The following CDH18 variants were observed in gnomAD, a reference collection of about 807,000 sequenced individuals.
CDH18 encodes cadherin 18.
Under a neutral mutation model 67.9 loss-of-function variants are expected in CDH18, and 31 were observed. The observed-to-expected ratio is 0.46, with a 90% CI of 0.34 to 0.62. The LOEUF (loss-of-function observed/expected upper bound fraction) is 0.62, where lower values mean the gene tolerates loss of function less well. Ranked by LOEUF, CDH18 falls within the 20% of genes least tolerant of loss-of-function variation. The pLI, the probability that CDH18 is intolerant of heterozygous loss-of-function variation, is 0.01. For synonymous variants in CDH18, 362 were observed against 347.2 expected (o/e 1.04, Z -0.48); for missense variants, 890 against 975.5 (o/e 0.91, Z 1.17).
chr5:20,489,276 C>T (rs999635928), intron 1 of CDH18, among the ~76,000 whole-genome samples: 6 of 152,034 alleles, frequency 3.9e-5, no homozygotes, highest in African/African-American at 1.4e-4. Flanking sequence ...AGCATATCCA[C>T]TCTGGATGGC....
chr5:19,838,709 C>G (rs1402738366), intron 3 of CDH18, 50 bp downstream of exon 3: 2 of 1,266,294 alleles, frequency 1.6e-6, no homozygotes, highest in South Asian at 1.2e-5. Context: ...GCTCATCTTA[C>G]CCCACAATTT....
At chr5:20,067,032 A>T (rs1163664659) in intron 2 of CDH18, among the ~76,000 whole-genome samples, 2 of 152,014 alleles carry the variant, frequency 1.3e-5, no homozygotes, top group African/African-American at 2.4e-5. Context: ...ACAGTAAAAA[A>T]TAATACAAAT....
chr5:19,952,437 G>A (rs1795890562), intron 2 of CDH18, among the ~76,000 whole-genome samples: 1 of 152,194 alleles, frequency 6.6e-6, no homozygotes, highest in African/African-American at 2.4e-5. Flanking sequence ...CAAGAGTCTG[G>A]TTAACTGATC....
intron 5 of CDH18, among the ~76,000 whole-genome samples, chr5:19,625,946 C>T (rs1751475256): frequency 6.6e-6 from 1 of 152,068 alleles, no homozygotes; most frequent in South Asian, 2.1e-4. Context: ...TCAATAAAGC[C>T]TTGTGTTACT....
intron 1 of CDH18, among the ~76,000 whole-genome samples, chr5:20,498,254 T>C (rs1754029462): frequency 6.6e-6 from 1 of 151,948 alleles, no homozygotes; most frequent in Non-Finnish European, 1.5e-5. Flanking sequence ...CCAGCAGTAG[T>C]AATTCTCTCT....
intron 10 of CDH18, among the ~76,000 whole-genome samples, chr5:19,515,171 T>C (rs1288710599): frequency 6.6e-6 from 1 of 152,228 alleles, no homozygotes; most frequent in Non-Finnish European, 1.5e-5. Context: ...TTTGGTGTTA[T>C]TTCTGAGGGC....
intron 1 of CDH18, among the ~76,000 whole-genome samples, chr5:20,520,314 G>A (rs923771061): frequency 2.0e-5 from 3 of 152,058 alleles, no homozygotes; most frequent in African/African-American, 7.2e-5. Flanking sequence ...AGAAAGGGAG[G>A]TTCTTCTGCA....
chr5:19,540,563 G>A (rs1195265145), intron 9 of CDH18, among the ~76,000 whole-genome samples: 1 of 152,084 alleles, frequency 6.6e-6, no homozygotes, highest in Non-Finnish European at 1.5e-5. Context: ...GGGTGTCCAG[G>A]GGTTTCCATA....
chr5:20,406,341 C>A (rs1746252132), intron 1 of CDH18, among the ~76,000 whole-genome samples: 1 of 151,926 alleles, frequency 6.6e-6, no homozygotes, highest in East Asian at 1.9e-4. Context: ...AGACAAAAAA[C>A]CAAACACCGC....
intron 2 of CDH18, among the ~76,000 whole-genome samples, chr5:19,895,996 A>C (rs1789283264): frequency 7.7e-6 from 1 of 130,600 alleles, no homozygotes; most frequent in Non-Finnish European, 1.7e-5. Flanking sequence ...AATCTCTGCA[A>C]CCTGTGTCGC....
At chr5:20,054,010 C>A (rs1469233140) in intron 2 of CDH18, among the ~76,000 whole-genome samples, 1 of 152,086 alleles carries the variant, frequency 6.6e-6, no homozygotes, top group African/African-American at 2.4e-5. Flanking sequence ...TATCCCCAAC[C>A]CCAAGGAAGT....
intron 2 of CDH18, among the ~76,000 whole-genome samples, chr5:20,008,898 G>C (rs1273819371): frequency 6.6e-6 from 1 of 152,072 alleles, no homozygotes. Flanking sequence ...TTGTAAAGGT[G>C]AAAATGGAAA....
At chr5:19,842,218 A>G (rs2150038815) in intron 2 of CDH18, among the ~76,000 whole-genome samples, 1 of 152,262 alleles carries the variant, frequency 6.6e-6, no homozygotes, top group East Asian at 1.9e-4. Context: ...CCGAGCCCTG[A>G]CTTTCACCAC....
intron 2 of CDH18, among the ~76,000 whole-genome samples, chr5:20,131,086 T>G (rs1749230045): frequency 6.6e-6 from 1 of 152,098 alleles, no homozygotes; most frequent in South Asian, 2.1e-4. Context: ...CTTATATAAA[T>G]TATTTGCAGA....
chr5:19,719,264 A>G (rs189543006), intron 5 of CDH18, among the ~76,000 whole-genome samples: 83 of 152,068 alleles, frequency 5.5e-4, no homozygotes, highest in Admixed American at 1.0e-3. Flanking sequence ...TTTGTATGGC[A>G]TCGTTAATGG....
At chr5:20,133,206 G>A (rs1438929512) in intron 2 of CDH18, among the ~76,000 whole-genome samples, 1 of 152,106 alleles carries the variant, frequency 6.6e-6, no homozygotes, top group African/African-American at 2.4e-5. Context: ...TGCTAATAAA[G>A]ACTAAGACTG....
chr5:19,801,823 T>C (rs981166479), intron 3 of CDH18, among the ~76,000 whole-genome samples: 13 of 152,190 alleles, frequency 8.5e-5, no homozygotes, highest in Non-Finnish European at 1.5e-4. Flanking sequence ...CTCCCACAGC[T>C]GCATTACTTA....
At chr5:20,227,125 A>T (rs902910547) in intron 2 of CDH18, among the ~76,000 whole-genome samples, 1 of 151,862 alleles carries the variant, frequency 6.6e-6, no homozygotes, top group Non-Finnish European at 1.5e-5. Context: ...ACATCAACAT[A>T]CTCATGTTAT....
intron 6 of CDH18, among the ~76,000 whole-genome samples, chr5:19,606,218 C>G (rs997748209): frequency 6.6e-6 from 1 of 152,120 alleles, no homozygotes; most frequent in Non-Finnish European, 1.5e-5. Flanking sequence ...CAAGAAATAA[C>G]TTGCCCCTCT....
Sources: gnomAD v4.1 joint callset for allele counts (sites outside exome capture counted in the v4.1 genomes callset) on GRCh38, gnomAD v4.1.1 for gene constraint, MANE v1.5 for transcripts, NCBI Gene and HGNC (gene_info 2026-07-23, HGNC 2026-07-21) for gene names.